The following TRIP13 variants were observed in gnomAD, a reference collection of about 807,000 sequenced individuals.
TRIP13 encodes thyroid hormone receptor interactor 13, also known as pachytene checkpoint protein 2 homolog.
In TRIP13, 25 loss-of-function variants were observed where a neutral mutation model predicts 54.4. The ratio of observed to expected loss-of-function variants is 0.46; its 90% CI spans 0.33 to 0.64. The LOEUF (loss-of-function observed/expected upper bound fraction) is 0.64. Among genes scored for constraint, TRIP13 ranks in the 30% least tolerant of loss-of-function variants. The pLI is 0.02. For synonymous variants in TRIP13, 207 were observed against 207.8 expected, an observed-to-expected ratio of 1.00 and a Z score of 0.03; for missense variants, 373 against 534.2, an observed-to-expected ratio of 0.70 and a Z score of 2.97.
At chr5:900,281 A>C (rs1045568530) in intron 3 of TRIP13, among the ~76,000 whole-genome samples, 4 of 152,246 alleles carry the variant, frequency 2.6e-5, no homozygotes, top group Non-Finnish European at 4.4e-5. Flanking sequence ...CAGAAGTTAC[A>C]TGTGACTGGC....
chr5:892,933 G>T lies in TRIP13; in HGVS notation c.-66G>T, dbSNP rs1361021577. The T allele has an allele frequency of 2.9e-6, 4 of 1,371,596 alleles. No individual in the cohort carries two copies. The highest frequency in any genetic ancestry group is 3.8e-6 in the Non-Finnish European group (4 of 1,049,160). The allele number at this position is 1,371,596 out of a possible 1,614,324, so 85.0% of individuals were successfully genotyped here. ...GCGGGCTGAGGCAGCGGCTGTGGCG[G>T]CGACGCTGGGCGTGAGGTGGCGGCG... is the stretch of plus-strand genomic sequence containing the variant. On this transcript the variant is annotated 5_prime_UTR_variant, in exon 1 of 13. Coordinates refer to ENST00000166345, the MANE Select transcript of TRIP13 (RefSeq NM_004237.4).
intron 6 of TRIP13, among the ~76,000 whole-genome samples, chr5:905,246 C>T (rs1254668570): frequency 6.6e-6 from 1 of 152,126 alleles, no homozygotes; most frequent in South Asian, 2.1e-4. Flanking sequence ...TGGGCACTCT[C>T]CACTCTGGCG....
rs141778123 is a variant in TRIP13, at chr5:896,404, C to T, written c.259-261C>T. On this transcript the variant is annotated intron_variant, in intron 2 of 12. Transcript: ENST00000166345. ...CTGTGTGAGTGTATTTATATAATAA[C>T]GTCCCGGAGGCTGGATTTAGGGCAC... 1.5e-3 allele frequency among the ~76,000 whole-genome samples: 222 copies of T among 152,222 alleles called. 1 individual carries two copies. The highest frequency in any genetic ancestry group is 5.0e-3 in the African/African-American group (206 of 41,530).
rs1471445844 is a variant in TRIP13, at chr5:917,401, A to C, written c.*298A>C. The C allele has an allele frequency of 3.5e-6, 1 of 282,444 alleles. No individual in the cohort carries two copies. 17.5% of individuals were successfully genotyped at this position (282,444 alleles called of 1,614,324 possible). A position where few individuals can be genotyped will look rare whatever the true frequency, so the allele number is the denominator to read the frequency against. On this transcript the variant is annotated 3_prime_UTR_variant, in exon 13 of 13. Coordinates refer to ENST00000166345, the MANE Select transcript of TRIP13 (RefSeq NM_004237.4). ...ACCTGTTTGTTCCCAGCCCACCCCC[A>C]GTGGATGGGATGCATAATGCCAGCA...
chr5:894,244 C>G (rs1477987154), intron 1 of TRIP13, among the ~76,000 whole-genome samples: 1 of 152,088 alleles, frequency 6.6e-6, no homozygotes, highest in Non-Finnish European at 1.5e-5. Flanking sequence ...CAGTGCATAG[C>G]AGGGCACAGA....
At position 915,421 on chromosome 5, in the gene TRIP13, G is replaced by T. The variant is rs1403214665; in HGVS notation, c.1134-483G>T. Reference sequence around the variant, plus strand: ...CGGGCAGGTGATGCCTTCCCTGAGCGCAAGGATGCTGGCCCTGGGGCAGAG... The same window carrying T: ...CGGGCAGGTGATGCCTTCCCTGAGCTCAAGGATGCTGGCCCTGGGGCAGAG... On this transcript the variant is annotated intron_variant, in intron 11 of 12. Transcript: ENST00000166345. The surrounding 1 kb of genome is among the most constrained non-coding windows in gnomAD (Gnocchi z 4.2). Among the ~76,000 whole-genome samples the T allele has an allele frequency of 6.9e-6, 1 of 144,776 alleles. No homozygotes were observed. The highest frequency in any genetic ancestry group is 2.6e-5 in the African/African-American group (1 of 38,576). 95.0% of individuals were successfully genotyped at this position (144,776 alleles called of 152,430 possible).
Position 913,307 on chromosome 5 carries a change from C to G in TRIP13, c.1021-1158C>G, listed in dbSNP as rs1403284286. Among the ~76,000 whole-genome samples the G allele has an allele frequency of 6.6e-6, 1 of 152,106 alleles. No individual in the cohort carries two copies. The highest frequency in any genetic ancestry group is 1.5e-5 in the Non-Finnish European group (1 of 68,028). On this transcript the variant is annotated intron_variant, in intron 10 of 12. Coordinates refer to ENST00000166345, the MANE Select transcript of TRIP13 (RefSeq NM_004237.4). This position sits in a 1 kb window ranked among gnomAD's most constrained non-coding sequence, Gnocchi z 4.5. ...ATCCAGGGGCTGTTTAAAGTGTTAG[C>G]TAAGAGGGATGGACTTTTTCTGGGA... is the stretch of plus-strand genomic sequence containing the variant.
At chr5:900,461 C>A in intron 3 of TRIP13, 33 bp from the exon 4 acceptor site, 2 of 1,612,746 alleles carry the variant, frequency 1.2e-6, no homozygotes, top group Non-Finnish European at 1.7e-6. Flanking sequence ...GCTTGCCTTC[C>A]TGAAATCAGG....
chr5:896,120 C>T (rs1186166426), intron 2 of TRIP13, among the ~76,000 whole-genome samples: 3 of 152,052 alleles, frequency 2.0e-5, no homozygotes, highest in African/African-American at 4.8e-5. Flanking sequence ...GAGAATGGCC[C>T]GGGGATCATA....
Position 917,096 on chromosome 5 carries a change from A to C in TRIP13, c.1292A>C (p.Tyr431Ser). 6.2e-7 allele frequency: 1 copy of C among 1,614,048 alleles called. No individual in the cohort carries two copies. The highest frequency in any genetic ancestry group is 8.5e-7 in the Non-Finnish European group (1 of 1,179,986). ...QFEERKKLAA[Y>S]I The stretch of plus-strand genomic sequence containing the variant: ...GAAGAGAGAAAGAAGCTTGCAGCTT[A>C]CATCTGATCCTGGGCTTCCCCATCT... Residue 431 changes from tyrosine to serine, a missense_variant, in exon 13 of 13, where the codon TAC (tyrosine) becomes TCC (serine). Physicochemically the swap from Tyr to Ser is moderately radical, Grantham distance 144 (BLOSUM62 -2). This residue lies in a region of TRIP13 where 101 missense variants were observed against 138.5 expected (regional missense o/e 0.73). Transcript: ENST00000166345.
At position 917,279 on chromosome 5, in the gene TRIP13, T is replaced by C. The variant is rs1167745583; in HGVS notation, c.*176T>C. The C allele has an allele frequency of 1.8e-6, 1 of 560,778 alleles. No individual in the cohort carries two copies. The highest frequency in any genetic ancestry group is 3.1e-6 in the Non-Finnish European group (1 of 319,186). The allele number at this position is 560,778 out of a possible 1,614,324, so 34.7% of individuals were successfully genotyped here. ...TAAAAGAAGTGTATTCTATTTATGT[T>C]GTTTTAAAATGCATACTGAGAGACA... On this transcript the variant is annotated 3_prime_UTR_variant, in exon 13 of 13. Coordinates refer to ENST00000166345, the MANE Select transcript of TRIP13 (RefSeq NM_004237.4).
At position 908,608 on chromosome 5, in the gene TRIP13, C is replaced by G; in HGVS notation, c.866+147C>G. ...GCATTGAGTATCGACTCCTTTTCCACATTGGAAGCAGCATATCACAAATGC... is the reference window on the plus strand; with the variant it reads ...GCATTGAGTATCGACTCCTTTTCCAGATTGGAAGCAGCATATCACAAATGC... On this transcript the variant is annotated intron_variant, in intron 9 of 12. Coordinates refer to ENST00000166345, the MANE Select transcript of TRIP13 (RefSeq NM_004237.4). This position sits in a 1 kb window ranked among gnomAD's most constrained non-coding sequence, Gnocchi z 5.2. The G allele has an allele frequency of 6.8e-7, 1 of 1,473,244 alleles. No homozygotes were observed. Among genetic ancestry groups the G allele is most frequent in the Non-Finnish European group, 9.0e-7 (1 of 1,111,876 alleles). 91.3% of individuals were successfully genotyped at this position (1,473,244 alleles called of 1,614,324 possible). A position where few individuals can be genotyped will look rare whatever the true frequency, so the allele number is the denominator to read the frequency against.
In TRIP13 at chr5:901,432, G is replaced by A; in HGVS notation, c.535+1G>A. 1 of 1,613,814 alleles carries A rather than the reference G, an allele frequency of 6.2e-7. No homozygotes were observed. Among genetic ancestry groups the A allele is most frequent in the Non-Finnish European group, 8.5e-7 (1 of 1,179,866 alleles). ...TGGAACCGGGTGGTGCTGCTCCACG[G>A]TAAATTATGCAGGCTTTTATTTGAC... On this transcript the variant is annotated splice_donor_variant, in intron 5 of 12. Coordinates refer to ENST00000166345, the MANE Select transcript of TRIP13 (RefSeq NM_004237.4). LOFTEE classifies it high-confidence loss of function.
At chr5:919,230 GTCAGCC>G (rs1343445762), downstream of TRIP13, 2 of 152,230 alleles carry the variant, frequency 1.3e-5, no homozygotes, top group East Asian at 3.8e-4. Flanking sequence ...GGTCATGGAG[GTCAGCC>G]TTGTGGAGCC....
intron 6 of TRIP13, 50 bp downstream of exon 6, chr5:904,270 A>G: frequency 6.7e-7 from 1 of 1,488,318 alleles, no homozygotes; most frequent in Admixed American, 2.3e-5. Context: ...GGGATTTATA[A>G]CGGGAGGTTG....
At chr5:904,540 T>C (rs750169758) in intron 6 of TRIP13, among the ~76,000 whole-genome samples, 3 of 152,204 alleles carry the variant, frequency 2.0e-5, no homozygotes, top group Non-Finnish European at 2.9e-5. Flanking sequence ...TTGGGGCTTA[T>C]GGTTTTCATC....
chr5:910,709 C>A (rs1754212952), intron 9 of TRIP13, among the ~76,000 whole-genome samples: 1 of 152,190 alleles, frequency 6.6e-6, no homozygotes, highest in African/African-American at 2.4e-5. Flanking sequence ...CTTTCTGTCC[C>A]CCACCAGTCC....
rs910921792 is a variant in TRIP13, at chr5:913,318, G to A, written c.1021-1147G>A. Among the ~76,000 whole-genome samples the A allele has an allele frequency of 2.0e-5, 3 of 152,150 alleles. No individual in the cohort carries two copies. Among genetic ancestry groups the A allele is most frequent in the Non-Finnish European group, 4.4e-5 (3 of 68,014 alleles). On this transcript the variant is annotated intron_variant, in intron 10 of 12. Transcript: ENST00000166345. The surrounding 1 kb of genome is among the most constrained non-coding windows in gnomAD (Gnocchi z 4.5). Reference sequence around the variant, plus strand: ...GTTTAAAGTGTTAGCTAAGAGGGATGGACTTTTTCTGGGACAGTGTAGGAC... The same window carrying A: ...GTTTAAAGTGTTAGCTAAGAGGGATAGACTTTTTCTGGGACAGTGTAGGAC...
intron 4 of TRIP13, among the ~76,000 whole-genome samples, chr5:900,879 G>A (rs529722515): frequency 6.6e-6 from 1 of 152,186 alleles, no homozygotes; most frequent in Admixed American, 6.5e-5. Context: ...CCTCTTCAAC[G>A]GGAAGGGTCT....
Sources: gnomAD v4.1 joint callset for allele counts (sites outside exome capture counted in the v4.1 genomes callset) on GRCh38, gnomAD v4.1.1 for gene constraint, gnomAD v4.1.1 regional missense constraint, Gnocchi (gnomAD v3.1) non-coding constraint, MANE v1.5 for transcripts, NCBI Gene and HGNC (gene_info 2026-07-23, HGNC 2026-07-21) for gene names.